Variants in STAG1 observed in about 807,000 individuals in gnomAD.
STAG1 encodes STAG1 cohesin complex component.
A neutral mutation model predicts 170.9 loss-of-function variants in STAG1; 26 were observed. That is an observed-to-expected ratio of 0.15 (90% CI 0.11 to 0.21). STAG1 has a LOEUF of 0.21. Among genes scored for constraint, STAG1 ranks in the 10% least tolerant of loss-of-function variants. STAG1 has a pLI of 1.00. For synonymous variants in STAG1, 514 were observed against 497.7 expected, an observed-to-expected ratio of 1.03 and a Z score of -0.44; for missense variants, 964 against 1,509.5, an observed-to-expected ratio of 0.64 and a Z score of 5.99.
intron 1 of STAG1, among the ~76,000 whole-genome samples, chr3:136,739,439 A>C (rs1437150990): frequency 7.1e-6 from 1 of 141,222 alleles, no homozygotes; most frequent in Non-Finnish European, 1.5e-5. Context: ...ATGAGGTGAG[A>C]GGTTGAGGCT....
chr3:136,478,226 T>A lies in STAG1; in HGVS notation c.903-814A>T, dbSNP rs1005693776. 2.0e-5 allele frequency among the ~76,000 whole-genome samples: 3 copies of A among 152,302 alleles called. No individual in the cohort carries two copies. The East Asian group carries it at 5.8e-4, about 29-fold the overall frequency. ...CGGAAGAATCCACCTCTAGTGACAATGGTAACCATCTTGGTGACAATACTG... is the reference window on the plus strand; with the variant it reads ...CGGAAGAATCCACCTCTAGTGACAAAGGTAACCATCTTGGTGACAATACTG... On this transcript the variant is annotated intron_variant, in intron 9 of 33. Coordinates refer to ENST00000383202, the MANE Select transcript of STAG1 (RefSeq NM_005862.3).
At chr3:136,358,701 A>G (rs1005980828) in intron 27 of STAG1, among the ~76,000 whole-genome samples, 1 of 152,084 alleles carries the variant, frequency 6.6e-6, no homozygotes, top group Non-Finnish European at 1.5e-5. Flanking sequence ...CAGCTTCCCA[A>G]GTAGCTAGGA....
intron 1 of STAG1, among the ~76,000 whole-genome samples, chr3:136,632,766 C>T (rs1428995945): frequency 6.6e-6 from 1 of 151,926 alleles, no homozygotes; most frequent in African/African-American, 2.4e-5. Flanking sequence ...TAGGCTTGCA[C>T]CTCTAATTGA....
intron 1 of STAG1, among the ~76,000 whole-genome samples, chr3:136,728,686 T>C (rs1029177974): frequency 4.6e-5 from 7 of 152,240 alleles, no homozygotes; most frequent in African/African-American, 7.2e-5. Flanking sequence ...TTCTGCATCA[T>C]TGTGGTTAAC....
chr3:136,663,432 G>T (rs948878572), intron 1 of STAG1, among the ~76,000 whole-genome samples: 1 of 152,154 alleles, frequency 6.6e-6, no homozygotes, highest in African/African-American at 2.4e-5. Context: ...TTTAATAAGT[G>T]AGATAGAAAC....
chr3:136,714,961 ATATTTTATATATATAT>A (rs1194199990), intron 1 of STAG1, among the ~76,000 whole-genome samples: 1 of 64,324 alleles, frequency 1.6e-5, no homozygotes, highest in Non-Finnish European at 4.1e-5. Context: ...ATATATATAT[ATATTTTATATATATAT>A]TTTTATATAT....
chr3:136,639,185 G>GAAAAAAA (rs10681540), intron 1 of STAG1, among the ~76,000 whole-genome samples: 6 of 115,620 alleles, frequency 5.2e-5, no homozygotes, highest in Middle Eastern at 4.5e-3. Flanking sequence ...AAAGAAAAAA[G>GAAAAAAA]AAAAGAAAAA....
chr3:136,663,610 T>C (rs1369191910), intron 1 of STAG1, among the ~76,000 whole-genome samples: 1 of 152,072 alleles, frequency 6.6e-6, no homozygotes, highest in Admixed American at 6.6e-5. Flanking sequence ...AAAAATAAAC[T>C]CTTAGAAAAA....
In STAG1 at chr3:136,337,096, A is replaced by C. The variant is rs1004339653; in HGVS notation, c.*1158T>G. The C allele has an allele frequency of 3.9e-5, 6 of 152,678 alleles. No homozygotes were observed. In the South Asian group the frequency reaches 1.2e-3, roughly 32 times the overall value. The allele number at this position is 152,678 out of a possible 1,614,324, so 9.5% of individuals were successfully genotyped here. On this transcript the variant is annotated 3_prime_UTR_variant, in exon 34 of 34. Transcript: ENST00000383202. Reference sequence around the variant, plus strand: ...CCCAAAAGAATTATTCTTAATATGCACATTTAACACTGAAATGTAGCTGTA... The same window carrying C: ...CCCAAAAGAATTATTCTTAATATGCCCATTTAACACTGAAATGTAGCTGTA...
intron 3 of STAG1, among the ~76,000 whole-genome samples, chr3:136,622,748 T>A (rs998203237): frequency 6.6e-5 from 10 of 152,190 alleles, no homozygotes; most frequent in Admixed American, 2.0e-4. Flanking sequence ...TCTAGAGCTC[T>A]TCTAAACTTC....
At chr3:136,747,613 C>T (rs1439834883) in intron 1 of STAG1, among the ~76,000 whole-genome samples, 1 of 151,448 alleles carries the variant, frequency 6.6e-6, no homozygotes, top group African/African-American at 2.4e-5. Context: ...GAGGTTGAGG[C>T]TGCAGTGAGT....
intron 4 of STAG1, among the ~76,000 whole-genome samples, chr3:136,580,449 G>A (rs2107777827): frequency 6.6e-6 from 1 of 151,492 alleles, no homozygotes; most frequent in Non-Finnish European, 1.5e-5. Context: ...GCTATTATAT[G>A]GTAAAAGGCT....
chr3:136,461,243 G>A (rs2089264679), intron 13 of STAG1, among the ~76,000 whole-genome samples: 1 of 152,098 alleles, frequency 6.6e-6, no homozygotes, highest in African/African-American at 2.4e-5. Context: ...TGGGGAAAAG[G>A]TGAAAGCCTT....
chr3:136,352,997 T>C (rs1335879564), intron 28 of STAG1, among the ~76,000 whole-genome samples: 2 of 152,104 alleles, frequency 1.3e-5, no homozygotes, highest in Non-Finnish European at 1.5e-5. Context: ...GATGACAATA[T>C]CTCTCATGAA....
intron 16 of STAG1, among the ~76,000 whole-genome samples, chr3:136,424,260 C>G (rs1157585169): frequency 6.6e-6 from 1 of 151,088 alleles, no homozygotes; most frequent in Non-Finnish European, 1.5e-5. Context: ...TCTTGAAATT[C>G]ATTTGACAAT....
At chr3:136,393,196 T>G in intron 22 of STAG1, among the ~76,000 whole-genome samples, 1 of 152,154 alleles carries the variant, frequency 6.6e-6, no homozygotes, top group East Asian at 1.9e-4. Context: ...ACATTTAACA[T>G]ATATAAAAAT....
chr3:136,589,624 G>C (rs1207041553), intron 4 of STAG1, among the ~76,000 whole-genome samples: 2 of 123,396 alleles, frequency 1.6e-5, no homozygotes, highest in African/African-American at 3.5e-5. Context: ...GCAACAAAGG[G>C]AGCCAAAAAA....
intron 1 of STAG1, among the ~76,000 whole-genome samples, chr3:136,647,622 T>G (rs747824769): frequency 1.3e-5 from 2 of 152,050 alleles, no homozygotes; most frequent in Non-Finnish European, 2.9e-5. Flanking sequence ...GAAAAAAAGA[T>G]ATTCTTCTTG....
chr3:136,651,833 C>T (rs1400202576), intron 1 of STAG1, among the ~76,000 whole-genome samples: 4 of 152,200 alleles, frequency 2.6e-5, no homozygotes, highest in Non-Finnish European at 2.9e-5. Context: ...ACTTCCATGA[C>T]ATCCTAAGCT....
Sources: gnomAD v4.1 joint callset for allele counts (sites outside exome capture counted in the v4.1 genomes callset) on GRCh38, gnomAD v4.1.1 for gene constraint, MANE v1.5 for transcripts, NCBI Gene and HGNC (gene_info 2026-07-23, HGNC 2026-07-21) for gene names.